Variants in LYPD6 observed in about 807,000 individuals in gnomAD.
LYPD6 encodes LY6/PLAUR domain containing 6, also known as ly6/PLAUR domain-containing protein 6.
Under a neutral mutation model 22.7 loss-of-function variants are expected in LYPD6, and 15 were observed. The ratio of observed to expected loss-of-function variants is 0.66; its 90% confidence interval spans 0.44 to 1.02. The LOEUF (loss-of-function observed/expected upper bound fraction) is 1.02. LYPD6 is among the 50% of genes least tolerant of loss of function. The pLI, the probability that LYPD6 is intolerant of heterozygous loss-of-function variation, is 0.00. For missense variants in LYPD6, 189 were observed against 208.4 expected, an observed-to-expected ratio of 0.91 and a Z score of 0.57; for synonymous variants, 72 against 77.5, an observed-to-expected ratio of 0.93 and a Z score of 0.37.
chr2:149,370,671 T>C (rs1438929989), intron 1 of LYPD6: 1 of 152,176 alleles, frequency 6.6e-6, no homozygotes, highest in African/African-American at 2.4e-5. Context: ...TGTGGTATAT[T>C]GTTATAGCAG....
chr2:149,370,514 T>C (rs1681784048), intron 1 of LYPD6: 1 of 152,102 alleles, frequency 6.6e-6, no homozygotes, highest in South Asian at 2.1e-4. Context: ...TCTTTTACCT[T>C]GTGAGGGTGA....
In LYPD6 at chr2:149,395,131, T is replaced by C. The variant is rs377693572; in HGVS notation, c.-71-42507T>C. On this transcript the variant is annotated intron_variant, in intron 1 of 4. Transcript: ENST00000334166. ...TTTTTTTTTCCATTTGAGTAGTCAGTTGTGCATGTGCCATTTATCAATAAG... is the reference window on the plus strand; with the variant it reads ...TTTTTTTTTCCATTTGAGTAGTCAGCTGTGCATGTGCCATTTATCAATAAG... 2.0e-5 allele frequency among the ~76,000 whole-genome samples: 3 copies of C among 152,076 alleles called. No homozygotes were observed. In the South Asian group the frequency reaches 6.2e-4, roughly 32 times the overall value.
intron 2 of LYPD6, among the ~76,000 whole-genome samples, chr2:149,438,712 A>G (rs556657049): frequency 1.3e-5 from 2 of 152,356 alleles, no homozygotes; most frequent in South Asian, 2.1e-4. Context: ...CACATAGTCT[A>G]CAAAGTGAAG....
At chr2:149,423,775 G>A (rs184045081) in intron 1 of LYPD6, among the ~76,000 whole-genome samples, 1 of 109,372 alleles carries the variant, frequency 9.1e-6, no homozygotes, top group African/African-American at 3.5e-5. Context: ...CGGGGCGGGG[G>A]GTGGGGGGTG....
intron 1 of LYPD6, among the ~76,000 whole-genome samples, chr2:149,354,265 T>C (rs961872619): frequency 6.6e-6 from 1 of 152,166 alleles, no homozygotes; most frequent in African/African-American, 2.4e-5. Context: ...TGGAGTGCAG[T>C]GTCACGATCT....
At chr2:149,430,155 G>A (rs561620830) in intron 1 of LYPD6, among the ~76,000 whole-genome samples, 12 of 152,226 alleles carry the variant, frequency 7.9e-5, no homozygotes, top group Admixed American at 1.3e-4. Context: ...GCTGGAGTGC[G>A]TTGGCGTGAT....
intron 1 of LYPD6, among the ~76,000 whole-genome samples, chr2:149,382,181 A>G (rs1682080765): frequency 6.6e-6 from 1 of 152,214 alleles, no homozygotes; most frequent in African/African-American, 2.4e-5. Context: ...CCAGCCCAAA[A>G]ATACATTTTT....
At position 149,459,070 on chromosome 2, in the gene LYPD6, C is replaced by A. The variant is rs528094074; in HGVS notation, c.218-9575C>A. On this transcript the variant is annotated intron_variant, in intron 3 of 4. Transcript: ENST00000334166. ...CTAAAAGTTTTTCTAAGAAGCTGAG[C>A]AAACCCCAAAGAGGACAAAACTAAA... is the stretch of plus-strand genomic sequence containing the variant. Among the ~76,000 whole-genome samples the A allele has an allele frequency of 2.6e-5, 4 of 152,258 alleles. No individual in the cohort carries two copies. The East Asian group carries it at 7.7e-4, about 29-fold the overall frequency.
At chr2:149,481,161 A>G in the LYPD6 span, among the ~76,000 whole-genome samples, 5 of 152,212 alleles carry the variant, frequency 3.3e-5, no homozygotes, top group African/African-American at 1.2e-4. Context: ...GGTGTTTGGT[A>G]AATGTGTGGA....
intron 1 of LYPD6, among the ~76,000 whole-genome samples, chr2:149,349,612 TAA>T (rs1436377824): frequency 6.6e-6 from 1 of 152,234 alleles, no homozygotes; most frequent in Non-Finnish European, 1.5e-5. Context: ...ATGCAAATGA[TAA>T]AGAGACTTGG....
intron 1 of LYPD6, among the ~76,000 whole-genome samples, chr2:149,339,593 A>AAAG (rs1573727303): frequency 6.6e-6 from 1 of 152,180 alleles, no homozygotes; most frequent in East Asian, 1.9e-4. Context: ...CCAAAGTCAA[A>AAAG]TTCTCATGCA....
intron 1 of LYPD6, among the ~76,000 whole-genome samples, chr2:149,379,540 A>C (rs1682012460): frequency 6.6e-6 from 1 of 152,250 alleles, no homozygotes; most frequent in Admixed American, 6.5e-5. Context: ...GAAAATCAGC[A>C]GTGGAAGAAT....
At chr2:149,425,498 T>C (rs1683170189) in intron 1 of LYPD6, among the ~76,000 whole-genome samples, 1 of 152,228 alleles carries the variant, frequency 6.6e-6, no homozygotes, top group Admixed American at 6.5e-5. Flanking sequence ...CATAGGAGGC[T>C]ACTCAGTACT....
intron 1 of LYPD6, among the ~76,000 whole-genome samples, chr2:149,371,700 C>T (rs2105078251): frequency 6.6e-6 from 1 of 152,300 alleles, no homozygotes; most frequent in African/African-American, 2.4e-5. Context: ...TAGCAGGCGT[C>T]AGGAGGCACA....
intron 1 of LYPD6, among the ~76,000 whole-genome samples, chr2:149,350,070 A>G (rs1022778539): frequency 1.3e-5 from 2 of 152,206 alleles, no homozygotes; most frequent in Non-Finnish European, 2.9e-5. Context: ...TTACATTTTT[A>G]AAAAGGAAAA....
At chr2:149,445,322 T>C (rs1683663723) in intron 2 of LYPD6, among the ~76,000 whole-genome samples, 1 of 152,230 alleles carries the variant, frequency 6.6e-6, no homozygotes, top group South Asian at 2.1e-4. Flanking sequence ...ATTTTAAGAA[T>C]GATAAATTAG....
intron 3 of LYPD6, among the ~76,000 whole-genome samples, chr2:149,461,002 C>T (rs1325779004): frequency 3.3e-5 from 5 of 151,956 alleles, no homozygotes; most frequent in Admixed American, 6.6e-5. Context: ...ATTTATAGCA[C>T]TATATGCACA....
At chr2:149,431,587 T>C (rs1683313477) in intron 1 of LYPD6, among the ~76,000 whole-genome samples, 1 of 152,198 alleles carries the variant, frequency 6.6e-6, no homozygotes. Flanking sequence ...CAGTCGGTGA[T>C]ATGAATAAAC....
chr2:149,352,585 G>A lies in LYPD6; in HGVS notation c.-72+21863G>A, dbSNP rs192991461. Among the ~76,000 whole-genome samples the A allele has an allele frequency of 4.7e-4, 71 of 152,210 alleles. No homozygotes were observed. The East Asian group carries it at 0.013, about 28-fold the overall frequency. On this transcript the variant is annotated intron_variant, in intron 1 of 4. Transcript: ENST00000334166. The stretch of plus-strand genomic sequence containing the variant: ...AGGGGATTCATACTGGTAGAGCAGG[G>A]GTCAGTCAAATCTGGGTGGCTACCT...
Sources: gnomAD v4.1 joint callset for allele counts (sites outside exome capture counted in the v4.1 genomes callset) on GRCh38, gnomAD v4.1.1 for gene constraint, MANE v1.5 for transcripts, NCBI Gene and HGNC (gene_info 2026-07-23, HGNC 2026-07-21) for gene names.